FSTL4: variants seen among roughly 807,000 people sequenced by gnomAD.
FSTL4 encodes the protein follistatin-related protein 4.
In FSTL4, 28 loss-of-function variants were observed where a neutral mutation model predicts 78.2. The ratio of observed to expected loss-of-function variants is 0.36; its 90% confidence interval spans 0.27 to 0.49. FSTL4 has a LOEUF of 0.49. Ranked by LOEUF, FSTL4 falls within the 20% of genes least tolerant of loss-of-function variation. The pLI is 0.98. For missense variants in FSTL4, 922 were observed against 1,084.9 expected (o/e 0.85, Z 2.11); for synonymous variants, 422 against 440.5 (o/e 0.96, Z 0.53).
At chr5:133,779,058 C>T in the FSTL4 span, among the ~76,000 whole-genome samples, 1 of 152,316 alleles carries the variant, frequency 6.6e-6, no homozygotes, top group South Asian at 2.1e-4. Flanking sequence ...ACCAGTGGCC[C>T]ATAGTACCCA....
chr5:133,208,967 G>A (rs183340377), intron 14 of FSTL4, among the ~76,000 whole-genome samples: 1 of 152,214 alleles, frequency 6.6e-6, no homozygotes, highest in African/African-American at 2.4e-5. Flanking sequence ...CACTGTGCCT[G>A]TTCACATTTT....
rs1239048624 is a variant in FSTL4 at position 133,541,251 on chromosome 5, AGTT to A, written c.160+25932_160+25934del. Reference sequence around the variant, plus strand: ...GATTCAGCTCAGAAGCCTCTCACACAGTTGTTGTCAGATGGTAGCTGAAGCTGT... The same window carrying A: ...GATTCAGCTCAGAAGCCTCTCACACAGTTGTCAGATGGTAGCTGAAGCTGT... On this transcript the variant is annotated intron_variant, in intron 3 of 15. Coordinates refer to ENST00000265342, the MANE Select transcript of FSTL4 (RefSeq NM_015082.2). Among the ~76,000 whole-genome samples the A allele has an allele frequency of 2.6e-5, 4 of 152,298 alleles. No homozygotes were observed. In the East Asian group the frequency reaches 5.8e-4, roughly 22 times the overall value.
At chr5:133,576,452 G>C (rs1053374870) in intron 2 of FSTL4, among the ~76,000 whole-genome samples, 3 of 152,232 alleles carry the variant, frequency 2.0e-5, no homozygotes, top group Admixed American at 1.3e-4. Flanking sequence ...ACTGAGAAGA[G>C]AATGCAACGA....
intron 14 of FSTL4, 168 bp downstream of exon 14, chr5:133,210,023 T>TC (rs1750651572): frequency 1.9e-6 from 1 of 534,144 alleles, no homozygotes; most frequent in Non-Finnish European, 3.4e-6. Context: ...CAATTGCCTG[T>TC]GAGGGGCATT....
intron 6 of FSTL4, among the ~76,000 whole-genome samples, chr5:133,310,280 G>A (rs1405072591): frequency 6.6e-6 from 1 of 152,194 alleles, no homozygotes; most frequent in Non-Finnish European, 1.5e-5. Flanking sequence ...AGTCCAAGGC[G>A]ACAGCAGAAT....
chr5:133,330,825 C>T (rs574736679), intron 4 of FSTL4, among the ~76,000 whole-genome samples: 2 of 152,118 alleles, frequency 1.3e-5, no homozygotes, highest in Non-Finnish European at 2.9e-5. Flanking sequence ...AAATCTGTGG[C>T]CTTACTTCTT....
chr5:133,564,888 T>C (rs1561470954), intron 3 of FSTL4, among the ~76,000 whole-genome samples: 1 of 152,194 alleles, frequency 6.6e-6, no homozygotes, highest in African/African-American at 2.4e-5. Flanking sequence ...ACTGCTAACA[T>C]TAGCCCCTCT....
intron 3 of FSTL4, among the ~76,000 whole-genome samples, chr5:133,463,323 TC>T (rs1290799378): frequency 6.6e-6 from 1 of 152,198 alleles, no homozygotes; most frequent in Non-Finnish European, 1.5e-5. Context: ...TGATATCCAA[TC>T]AAGTGTCTCT....
the FSTL4 span, among the ~76,000 whole-genome samples, chr5:133,823,699 C>A: frequency 2.0e-4 from 31 of 152,174 alleles, no homozygotes; most frequent in Non-Finnish European, 1.3e-4. Flanking sequence ...AGTCCACTCC[C>A]CTCTCTTGTC....
intron 3 of FSTL4, among the ~76,000 whole-genome samples, chr5:133,499,387 C>T (rs2112875988): frequency 6.6e-6 from 1 of 150,540 alleles, no homozygotes; most frequent in East Asian, 2.0e-4. Flanking sequence ...CACACACACA[C>T]ACACACACAC....
the FSTL4 span, among the ~76,000 whole-genome samples, chr5:133,806,979 A>G: frequency 6.6e-6 from 1 of 152,220 alleles, no homozygotes; most frequent in African/African-American, 2.4e-5. Flanking sequence ...AGGATGCTCC[A>G]GGGAACATTT....
chr5:133,384,141 T>C (rs1382104610), intron 4 of FSTL4, among the ~76,000 whole-genome samples: 1 of 152,180 alleles, frequency 6.6e-6, no homozygotes. Context: ...CCCACCCTCC[T>C]GCGGAACCCC....
the FSTL4 span, among the ~76,000 whole-genome samples, chr5:133,807,071 A>G: frequency 1.3e-5 from 2 of 152,240 alleles, no homozygotes; most frequent in Admixed American, 6.5e-5. Flanking sequence ...CAGCAACCTC[A>G]AAGTTCCTCC....
At chr5:133,234,503 C>T (rs1007649941) in intron 7 of FSTL4, among the ~76,000 whole-genome samples, 2 of 152,240 alleles carry the variant, frequency 1.3e-5, no homozygotes, top group Admixed American at 1.3e-4. Context: ...GTGCCCAATG[C>T]TGGCCCTTCC....
At chr5:133,778,697 C>T in the FSTL4 span, among the ~76,000 whole-genome samples, 1 of 152,202 alleles carries the variant, frequency 6.6e-6, no homozygotes, top group Non-Finnish European at 1.5e-5. Flanking sequence ...GCAAAGCTTT[C>T]TCCAAAACCT....
At chr5:133,733,429 T>C in the FSTL4 span, among the ~76,000 whole-genome samples, 2 of 152,176 alleles carry the variant, frequency 1.3e-5, no homozygotes, top group Non-Finnish European at 2.9e-5. Context: ...AACACCCCCA[T>C]GTGAAGTATT....
the FSTL4 span, among the ~76,000 whole-genome samples, chr5:133,632,273 TC>T: frequency 1.1e-4 from 17 of 152,250 alleles, no homozygotes; most frequent in South Asian, 3.3e-3. Flanking sequence ...AATATAAGGG[TC>T]TTAAATATTT....
At chr5:133,622,598 G>A in the FSTL4 span, among the ~76,000 whole-genome samples, 1 of 152,110 alleles carries the variant, frequency 6.6e-6, no homozygotes, top group East Asian at 1.9e-4. Flanking sequence ...CCTGCATTTG[G>A]TGTTGTCACT....
the FSTL4 span, among the ~76,000 whole-genome samples, chr5:133,619,126 G>T: frequency 6.6e-6 from 1 of 152,152 alleles, no homozygotes; most frequent in African/African-American, 2.4e-5. Context: ...CTGAGGAGAG[G>T]TGAGAGAGTG....
Sources: allele counts gnomAD v4.1 joint callset (sites outside exome capture counted in the v4.1 genomes callset), GRCh38; gene constraint gnomAD v4.1.1; transcripts MANE v1.5; gene names NCBI Gene and HGNC (gene_info 2026-07-23, HGNC 2026-07-21).